ZNF33B: variants seen among roughly 807,000 people sequenced by gnomAD.
The protein encoded by ZNF33B is zinc finger protein 33B.
ZNF33B carries 29 observed loss-of-function variants against 45.8 expected under a neutral mutation model. The ratio of observed to expected loss-of-function variants is 0.63; its 90% CI spans 0.47 to 0.86. The LOEUF (loss-of-function observed/expected upper bound fraction) is 0.86. Among genes scored for constraint, ZNF33B ranks in the 40% least tolerant of loss-of-function variants. ZNF33B has a pLI of 0.00. For synonymous variants in ZNF33B, 305 were observed against 307.8 expected, an observed-to-expected ratio of 0.99 and a Z score of 0.10; for missense variants, 831 against 909.9, an observed-to-expected ratio of 0.91 and a Z score of 1.12.
intron 2 of ZNF33B, 59 bp from the exon 3 acceptor site, chr10:42,632,498 A>T: frequency 3.2e-6 from 5 of 1,562,006 alleles, no homozygotes; most frequent in Non-Finnish European, 4.3e-6. Context: ...CCTTACCATG[A>T]TTATTATTCA....
intron 4 of ZNF33B, among the ~76,000 whole-genome samples, chr10:42,608,677 A>C (rs1028150763): frequency 1.5e-4 from 23 of 152,202 alleles, no homozygotes; most frequent in African/African-American, 5.1e-4. Flanking sequence ...TAATAACCAT[A>C]TTAAAAAAGA....
intron 1 of ZNF33B, chr10:42,582,916 T>C (rs1468321120): frequency 2.0e-6 from 1 of 499,020 alleles, no homozygotes; most frequent in South Asian, 2.2e-5. Flanking sequence ...GTTTCCAAAT[T>C]TGTTGCAGAG....
chr10:42,638,162 G>C (rs1406491748), intron 1 of ZNF33B, among the ~76,000 whole-genome samples: 6 of 152,328 alleles, frequency 3.9e-5, no homozygotes, highest in African/African-American at 1.4e-4. Context: ...CTAGCACATG[G>C]GCGTAAACAC....
At chr10:42,609,170 C>A (rs1239061532) in intron 4 of ZNF33B, among the ~76,000 whole-genome samples, 1 of 152,196 alleles carries the variant, frequency 6.6e-6, no homozygotes, top group Non-Finnish European at 1.5e-5. Context: ...AATCCTACAA[C>A]TTTGGGAGGC....
In ZNF33B at chr10:42,621,377, C is replaced by T. The variant is rs187437141; in HGVS notation, c.250+10552G>A. ...TGAATAAATGAATGAATGAATGATG[C>T]GTATGAATACAGATACAAAGCTACA... On this transcript the variant is annotated intron_variant, in intron 4 of 4. Coordinates refer to ENST00000359467, the MANE Select transcript of ZNF33B (RefSeq NM_006955.3). Among the ~76,000 whole-genome samples the T allele has an allele frequency of 1.2e-3, 189 of 151,600 alleles. 1 individual carries two copies. Among genetic ancestry groups the T allele is most frequent in the Middle Eastern group, 0.01 (3 of 294 alleles).
intron 4 of ZNF33B, among the ~76,000 whole-genome samples, chr10:42,631,649 A>G (rs1436514542): frequency 6.6e-6 from 1 of 152,236 alleles, no homozygotes; most frequent in African/African-American, 2.4e-5. Context: ...TTTGAGAAAA[A>G]TAACCAAGAA....
chr10:42,603,366 A>G (rs568253799), intron 4 of ZNF33B, among the ~76,000 whole-genome samples: 1 of 152,172 alleles, frequency 6.6e-6, no homozygotes, highest in Non-Finnish European at 1.5e-5. Flanking sequence ...TTCAATGATA[A>G]CCAATTAAGA....
intron 1 of ZNF33B, 119 bp downstream of exon 1, chr10:42,638,355 C>T (rs147548727): frequency 0.011 from 3,379 of 315,534 alleles, 58 homozygotes; most frequent in African/African-American, 0.051. Flanking sequence ...CCGCCGTCCC[C>T]GGCTTCTCCG....
At chr10:42,584,511 C>A (rs1260095189), downstream of ZNF33B, among the ~76,000 whole-genome samples, 1 of 151,768 alleles carries the variant, frequency 6.6e-6, no homozygotes, top group African/African-American at 2.4e-5. Flanking sequence ...AAGGGGCCAC[C>A]CCTTTCCTTT....
Position 42,583,661 on chromosome 10 carries a change from T to TTTG in ZNF33B, c.74-8986_74-8984dup, listed in dbSNP as rs1836867284. ...AATCTAATAGTCTATGGTCTCCACT[T>TTTG]TTGTGGGAAAATCTTGCCATTCTAG... On this transcript the variant is annotated intron_variant, in intron 1 of 1. Transcript: ENST00000462075. Among the ~76,000 whole-genome samples the TTTG allele has an allele frequency of 2.0e-5, 3 of 152,178 alleles. No homozygotes were observed. In the East Asian group the frequency reaches 5.8e-4, roughly 29 times the overall value.
At chr10:42,617,918 C>T (rs1838397828) in intron 4 of ZNF33B, among the ~76,000 whole-genome samples, 2 of 152,134 alleles carry the variant, frequency 1.3e-5, no homozygotes. Flanking sequence ...GGTGGTCCCT[C>T]CCTCAATGCC....
intron 4 of ZNF33B, among the ~76,000 whole-genome samples, chr10:42,611,535 G>T (rs1300156524): frequency 6.6e-6 from 1 of 152,032 alleles, no homozygotes; most frequent in Non-Finnish European, 1.5e-5. Context: ...ATGCCCTAGG[G>T]ATAGACAAAG....
rs146572950 is a variant in ZNF33B at position 42,620,870 on chromosome 10, T to C, written c.250+11059A>G. ...ATTTCACTCAAAATAGATTAAGTCA[T>C]AAGCTGTTACAAGAGACAAAGAAGG... On this transcript the variant is annotated intron_variant, in intron 4 of 4. Transcript: ENST00000359467. Among the ~76,000 whole-genome samples, 577 of 152,162 alleles carry C rather than the reference T, an allele frequency of 3.8e-3. 1 individual carries two copies. Among genetic ancestry groups the C allele is most frequent in the Non-Finnish European group, 6.7e-3 (459 of 68,006 alleles).
At chr10:42,605,269 A>AAT (rs1554822955) in intron 4 of ZNF33B, 2 of 151,064 alleles carry the variant, frequency 1.3e-5, no homozygotes, top group Non-Finnish European at 3.0e-5. Flanking sequence ...AAATTTAAAA[A>AAT]AAAAAAAAAA....
chr10:42,585,528 A>G (rs1425316541), downstream of ZNF33B, among the ~76,000 whole-genome samples: 1 of 152,190 alleles, frequency 6.6e-6, no homozygotes, highest in Non-Finnish European at 1.5e-5. Context: ...AGGAGATGGG[A>G]ACTAGAAGTT....
intron 4 of ZNF33B, among the ~76,000 whole-genome samples, chr10:42,606,978 C>T (rs2132081534): frequency 6.6e-6 from 1 of 152,186 alleles, no homozygotes; most frequent in Non-Finnish European, 1.5e-5. Context: ...CTGAAATGCT[C>T]CAACAAGCAT....
At chr10:42,585,076 A>T (rs1388344730), downstream of ZNF33B, among the ~76,000 whole-genome samples, 1 of 152,198 alleles carries the variant, frequency 6.6e-6, no homozygotes, top group Non-Finnish European at 1.5e-5. Flanking sequence ...GGGAGACACC[A>T]TGTCCTGGGA....
At position 42,628,820 on chromosome 10, in the gene ZNF33B, T is replaced by C. The variant is rs75899223; in HGVS notation, c.250+3109A>G. On this transcript the variant is annotated intron_variant, in intron 4 of 4. Transcript: ENST00000359467. ...GCAACTATCTACACAAAATAAGCAG[T>C]TTCACAGGAACCAAAAGTCAGGTGA... Among the ~76,000 whole-genome samples the C allele has an allele frequency of 7.8e-4, 119 of 152,200 alleles. No individual in the cohort carries two copies. In the East Asian group the frequency reaches 0.022, roughly 28 times the overall value.
Position 42,582,946 on chromosome 10 carries a change from C to T in ZNF33B, c.74-8268G>A. ...GCAGAGAATGCTGATGTCTCTTCCA[C>T]AGCACGCCAGTGTTGGAGATGTGAC... On this transcript the variant is annotated intron_variant, in intron 1 of 1. Coordinates refer to the ZNF33B transcript ENST00000462075. The T allele has an allele frequency of 2.7e-5, 15 of 561,870 alleles. No individual in the cohort carries two copies. In the South Asian group the frequency reaches 2.9e-4, roughly 11 times the overall value. 34.8% of individuals were successfully genotyped at this position (561,870 alleles called of 1,614,324 possible).
Sources: allele counts gnomAD v4.1 joint callset (sites outside exome capture counted in the v4.1 genomes callset), GRCh38; gene constraint gnomAD v4.1.1; transcripts MANE v1.5; gene names NCBI Gene and HGNC (gene_info 2026-07-23, HGNC 2026-07-21).